Variants in SNX29 observed in about 807,000 individuals in gnomAD.
The protein encoded by SNX29 is sorting nexin-29.
In SNX29, 78 loss-of-function variants were observed where a neutral mutation model predicts 102.1. The observed-to-expected ratio is 0.76, with a 90% CI of 0.64 to 0.92. SNX29 has a LOEUF of 0.92. SNX29 is among the 40% of genes least tolerant of loss of function. The pLI is 0.00. For missense variants in SNX29, 1,280 were observed against 1,061.7 expected, an observed-to-expected ratio of 1.21 and a Z score of -2.86; for synonymous variants, 580 against 414.5, an observed-to-expected ratio of 1.40 and a Z score of -4.85.
At chr16:12,097,203 C>T (rs368925056) in intron 11 of SNX29, among the ~76,000 whole-genome samples, 4 of 152,226 alleles carry the variant, frequency 2.6e-5, no homozygotes, top group Non-Finnish European at 4.4e-5. Flanking sequence ...CGCATGTCTG[C>T]GATCCTGTGA....
chr16:12,089,194 C>G, intron 11 of SNX29, among the ~76,000 whole-genome samples: 1 of 150,144 alleles, frequency 6.7e-6, no homozygotes, highest in East Asian at 2.0e-4. Flanking sequence ...GGTGGTGGCA[C>G]CTGGCATCTG....
At chr16:12,282,664 T>C (rs1223727935) in intron 15 of SNX29, among the ~76,000 whole-genome samples, 1 of 152,176 alleles carries the variant, frequency 6.6e-6, no homozygotes, top group East Asian at 1.9e-4. Context: ...TTTTTTTGTT[T>C]TGTTTTTTGA....
intron 18 of SNX29, among the ~76,000 whole-genome samples, chr16:12,421,833 A>G (rs763017618): frequency 2.6e-5 from 4 of 151,642 alleles, no homozygotes; most frequent in African/African-American, 9.7e-5. Context: ...ATCACTAGCC[A>G]TGCATCACCA....
chr16:12,468,611 G>C (rs1486709461), intron 18 of SNX29, among the ~76,000 whole-genome samples: 1 of 152,028 alleles, frequency 6.6e-6, no homozygotes, highest in African/African-American at 2.4e-5. Context: ...GTGATTATTG[G>C]CATCAGGTCA....
At chr16:12,462,394 C>T (rs565712558) in intron 18 of SNX29, among the ~76,000 whole-genome samples, 4 of 152,170 alleles carry the variant, frequency 2.6e-5, no homozygotes, top group East Asian at 1.9e-4. Context: ...GTGTTGTCTT[C>T]ACAGTGCCAA....
At chr16:12,286,954 C>G (rs940897052) in intron 15 of SNX29, among the ~76,000 whole-genome samples, 1 of 152,168 alleles carries the variant, frequency 6.6e-6, no homozygotes. Context: ...TTAAAAGAGG[C>G]TCGTGCTAGT....
At chr16:12,432,621 C>T (rs553790047) in intron 18 of SNX29, among the ~76,000 whole-genome samples, 17 of 152,354 alleles carry the variant, frequency 1.1e-4, no homozygotes, top group African/African-American at 3.8e-4. Flanking sequence ...TGCCGCGCGT[C>T]ACCTCCTGTA....
intron 19 of SNX29, among the ~76,000 whole-genome samples, chr16:12,512,219 G>A (rs139858478): frequency 3.3e-5 from 5 of 150,904 alleles, no homozygotes; most frequent in South Asian, 4.2e-4. Flanking sequence ...CCTTGGTGGT[G>A]TGAAAGTGCC....
At chr16:12,230,334 T>C (rs1328980202) in intron 14 of SNX29, among the ~76,000 whole-genome samples, 22 of 152,222 alleles carry the variant, frequency 1.4e-4, no homozygotes. Context: ...AATAAATAGC[T>C]TGTATTTTTC....
Position 12,569,727 on chromosome 16 carries a change from C to T in SNX29, c.*1098C>T, listed in dbSNP as rs142721966. 508 of 230,430 alleles carry T rather than the reference C, an allele frequency of 2.2e-3. 5 individuals are homozygous for T. The highest frequency in any genetic ancestry group is 0.011 in the African/African-American group (484 of 45,304). The allele number at this position is 230,430 out of a possible 1,614,324, so 14.3% of individuals were successfully genotyped here. ...AGGAGGATGGGGACCAGCAGCTGGG[C>T]AGCCCCCAGGGCTCCTCCTCCAGTG... On this transcript the variant is annotated 3_prime_UTR_variant, in exon 21 of 21. Transcript: ENST00000566228.
intron 9 of SNX29, 137 bp from the exon 10 acceptor site, chr16:12,068,920 G>T (rs564124224): frequency 1.4e-6 from 1 of 706,286 alleles, no homozygotes; most frequent in East Asian, 2.7e-5. Flanking sequence ...TTAAAATCCA[G>T]CTTGCAGGAG....
At chr16:12,506,557 A>G (rs995851351) in intron 19 of SNX29, among the ~76,000 whole-genome samples, 1 of 152,268 alleles carries the variant, frequency 6.6e-6, no homozygotes, top group African/African-American at 2.4e-5. Flanking sequence ...CGGAGGGAAT[A>G]GCATCAGACT....
rs1422019544 is a variant in SNX29, at chr16:12,573,417, A to T, written c.*4788A>T. On this transcript the variant is annotated 3_prime_UTR_variant, in exon 21 of 21. Coordinates refer to ENST00000566228, the MANE Select transcript of SNX29 (RefSeq NM_032167.5). ...TAGTTTCTATAGAGAAGTGAAAAAG[A>T]AATCTGGCTTCCTTAATAAGATAGT... 5 of 223,552 alleles carry T rather than the reference A, an allele frequency of 2.2e-5. No individual in the cohort carries two copies. The highest frequency in any genetic ancestry group is 3.6e-5 in the Non-Finnish European group (4 of 112,104). The allele number at this position is 223,552 out of a possible 1,614,324, so 13.8% of individuals were successfully genotyped here.
chr16:12,120,402 A>G (rs9972640), intron 11 of SNX29, among the ~76,000 whole-genome samples: 12,684 of 152,316 alleles, frequency 0.083, 789 homozygotes, highest in East Asian at 0.24. Context: ...CTATGTATAT[A>G]TGTGAGAGAG....
At chr16:12,117,587 A>G (rs902764252) in intron 11 of SNX29, among the ~76,000 whole-genome samples, 1 of 152,222 alleles carries the variant, frequency 6.6e-6, no homozygotes, top group African/African-American at 2.4e-5. Context: ...ATAGAGACGC[A>G]ATGTGGATCA....
Position 12,569,119 on chromosome 16 carries a change from TTGCGGGGGG to T in SNX29, c.*491_*499del. 5.6e-5 allele frequency: 1 copy of T among 17,866 alleles called. No homozygotes were observed. The allele number at this position is 17,866 out of a possible 1,614,324, so 1.1% of individuals were successfully genotyped here. A position where few individuals can be genotyped will look rare whatever the true frequency, so the allele number is the denominator to read the frequency against. On this transcript the variant is annotated 3_prime_UTR_variant, in exon 21 of 21. Coordinates refer to ENST00000566228, the MANE Select transcript of SNX29 (RefSeq NM_032167.5). ...TGGCCTAACCTAGGGATGGCTGGCT[TTGCGGGGGG>T]GGGGGGGGGGGGGGGCATGGTTCCT...
intron 20 of SNX29, among the ~76,000 whole-genome samples, chr16:12,530,642 C>G (rs1172590310): frequency 1.3e-5 from 2 of 151,962 alleles, no homozygotes; most frequent in African/African-American, 2.4e-5. Context: ...TGCAATTTCC[C>G]TCTTCTGGGT....
chr16:12,434,482 T>C (rs1348836476), intron 18 of SNX29, among the ~76,000 whole-genome samples: 1 of 152,116 alleles, frequency 6.6e-6, no homozygotes, highest in Non-Finnish European at 1.5e-5. Context: ...TTTTTGTGTG[T>C]CCTGTCTCAG....
intron 14 of SNX29, among the ~76,000 whole-genome samples, chr16:12,215,453 C>G (rs148108815): frequency 6.6e-4 from 101 of 152,250 alleles, no homozygotes; most frequent in African/African-American, 2.3e-3. Flanking sequence ...GTGGCAGGGC[C>G]TGGATCTCTG....
Sources: allele counts gnomAD v4.1 joint callset (sites outside exome capture counted in the v4.1 genomes callset), GRCh38; gene constraint gnomAD v4.1.1; transcripts MANE v1.5; gene names NCBI Gene and HGNC (gene_info 2026-07-23, HGNC 2026-07-21).